The following MGAT1 variants were observed in gnomAD, a reference collection of about 807,000 sequenced individuals.
MGAT1 encodes N-glycosyl-oligosaccharide-glycoprotein N-acetylglucosaminyltransferase I.
In MGAT1, 14 loss-of-function variants were observed where a neutral mutation model predicts 31.7. That is an observed-to-expected ratio of 0.44 (90% confidence interval 0.29 to 0.69). The LOEUF (loss-of-function observed/expected upper bound fraction) is 0.69. Ranked by LOEUF, MGAT1 falls within the 30% of genes least tolerant of loss-of-function variation. The pLI, the probability that MGAT1 is intolerant of heterozygous loss-of-function variation, is 0.12. For synonymous variants in MGAT1, 338 were observed against 276.0 expected (o/e 1.22, Z -2.23); for missense variants, 557 against 626.0 (o/e 0.89, Z 1.18).
chr5:180,798,025 G>A (rs537651649), intron 1 of MGAT1, among the ~76,000 whole-genome samples: 12 of 152,298 alleles, frequency 7.9e-5, no homozygotes, highest in East Asian at 3.9e-4. Context: ...GGCCAGCAGC[G>A]GTGACCTGCT....
At chr5:180,812,079 T>A (rs1308978224) in intron 1 of MGAT1, among the ~76,000 whole-genome samples, 2 of 152,222 alleles carry the variant, frequency 1.3e-5, no homozygotes, top group Non-Finnish European at 2.9e-5. Context: ...CTCGCCGGGT[T>A]TACCATGTAT....
chr5:180,810,377 G>T (rs1772428886), intron 1 of MGAT1: 1 of 152,566 alleles, frequency 6.6e-6, no homozygotes, highest in Non-Finnish European at 1.5e-5. Context: ...TGAAGAACAG[G>T]TGTGGGCAGA....
rs780393812 is a variant in MGAT1, at chr5:180,792,534, C to G, written c.438G>C (p.Glu146Asp). 2.4e-5 allele frequency: 38 copies of G among 1,612,974 alleles called. No homozygotes were observed. The highest frequency in any genetic ancestry group is 3.1e-5 in the Non-Finnish European group (37 of 1,179,870). ...PIIVSQDCGH[E>D]ETAQAIASYG... ...AGGAGGCGATGGCCTGGGCCGTCTC[C>G]TCGTGCCCGCAGTCCTGGCTAACGA... The change falls in exon 2 of 2, where the codon GAG (glutamate) becomes GAC (aspartate). Residue 146 changes from glutamate (E) to aspartate (D), a missense_variant. By Grantham distance (45) the Glu-to-Asp change is conservative. This residue lies in a region of MGAT1 where 245 missense variants were observed against 332.9 expected (regional missense o/e 0.74). Transcript: ENST00000307826.
Position 180,792,133 on chromosome 5 carries a change from T to G in MGAT1, c.839A>C (p.Glu280Ala). The change falls in exon 2 of 2, where the codon GAG becomes GCG. Residue 280 changes from glutamate to alanine, a missense_variant. Glu to Ala is a moderately radical substitution (Grantham distance 107). This residue lies in a region of MGAT1 where 245 missense variants were observed against 332.9 expected (regional missense o/e 0.74). Transcript: ENST00000307826. ...LLLAELWAEL[E>A]PKWPKAFWDD... ...CCAGAAGGCCTTTGGCCACTTGGGC[T>G]CCAGCTCAGCCCAGAGCTCGGCCAA... The G allele has an allele frequency of 6.2e-7, 1 of 1,613,132 alleles. No homozygotes were observed. The highest frequency in any genetic ancestry group is 8.5e-7 in the Non-Finnish European group (1 of 1,179,936).
chr5:180,796,328 G>A (rs903578745), intron 1 of MGAT1, among the ~76,000 whole-genome samples: 2 of 152,080 alleles, frequency 1.3e-5, no homozygotes, highest in Non-Finnish European at 2.9e-5. Flanking sequence ...CCCCCACCAC[G>A]CCAGGACATC....
intron 1 of MGAT1, chr5:180,795,702 C>T (rs765200116): frequency 1.3e-5 from 2 of 152,158 alleles, no homozygotes; most frequent in East Asian, 1.9e-4. Context: ...TATTTCCACA[C>T]GAAGTTTCTT....
intron 1 of MGAT1, among the ~76,000 whole-genome samples, chr5:180,801,902 G>C (rs1277573537): frequency 1.3e-5 from 2 of 152,230 alleles, no homozygotes; most frequent in Non-Finnish European, 2.9e-5. Flanking sequence ...TGAGCTCAAT[G>C]GTCCCCAGAA....
At chr5:180,810,033 T>C (rs1772375174) in intron 1 of MGAT1, 1 of 151,230 alleles carries the variant, frequency 6.6e-6, no homozygotes, top group African/African-American at 2.4e-5. Context: ...CTGCGCCGGG[T>C]CGTTACCTGG....
upstream of MGAT1, among the ~76,000 whole-genome samples, chr5:180,805,733 G>A (rs62407789): frequency 2.6e-5 from 4 of 151,948 alleles, no homozygotes; most frequent in East Asian, 5.8e-4. Context: ...CTGGGTGACA[G>A]AGTGAGATTC....
rs1311387978 is a variant in MGAT1 at position 180,790,001 on chromosome 5, AAC to A, written c.*1631_*1632del. On this transcript the variant is annotated 3_prime_UTR_variant, in exon 2 of 2. Coordinates refer to ENST00000307826, the MANE Select transcript of MGAT1 (RefSeq NM_002406.4). ...AATGTTGCACGTGATATGCAGAGGT[AAC>A]AGTCTGTCTGTGTTCTGGGTATTAG... The A allele has an allele frequency of 6.6e-6, 1 of 152,190 alleles. No homozygotes were observed. The highest frequency in any genetic ancestry group is 1.5e-5 in the Non-Finnish European group (1 of 68,036). The allele number at this position is 152,190 out of a possible 1,614,324, so 9.4% of individuals were successfully genotyped here.
chr5:180,798,803 C>T (rs1770061600), intron 1 of MGAT1, among the ~76,000 whole-genome samples: 1 of 152,208 alleles, frequency 6.6e-6, no homozygotes, highest in Admixed American at 6.5e-5. Flanking sequence ...TGCCATGCTG[C>T]TTCTGATCTT....
chr5:180,791,906 G>C lies in MGAT1; in HGVS notation c.1066C>G (p.Arg356Gly). The C allele has an allele frequency of 6.2e-7, 1 of 1,614,220 alleles. No individual in the cohort carries two copies. Among genetic ancestry groups the C allele is most frequent in the Non-Finnish European group, 8.5e-7 (1 of 1,180,042 alleles). ...LSYLQREAYD[R>G]DFLARVYGAP... is the part of the protein sequence containing the mutation. The stretch of plus-strand genomic sequence containing the variant: ...CCGTAGACGCGGGCGAGGAAATCTC[G>C]GTCATAGGCCTCCCGCTGCAGGTAA... The change falls in exon 2 of 2, where the codon CGA becomes GGA. Residue 356 changes from arginine to glycine, a missense_variant. Arg to Gly is a moderately radical substitution (Grantham distance 125). Around this residue, in one of 3 missense-constraint regions of MGAT1, gnomAD observed 145 missense variants for 143.2 expected, o/e 1.01. Coordinates refer to ENST00000307826, the MANE Select transcript of MGAT1 (RefSeq NM_002406.4).
chr5:180,807,176 G>C (rs1771986198), upstream of MGAT1, among the ~76,000 whole-genome samples: 1 of 152,220 alleles, frequency 6.6e-6, no homozygotes, highest in Admixed American at 6.5e-5. Flanking sequence ...TCAGTTTGCA[G>C]ATGACCTCAC....
intron 1 of MGAT1, among the ~76,000 whole-genome samples, chr5:180,794,108 G>A (rs925109776): frequency 1.3e-5 from 2 of 151,848 alleles, no homozygotes; most frequent in African/African-American, 4.8e-5. Context: ...GCCAGATGCA[G>A]TAGCTCCTAC....
intron 1 of MGAT1, among the ~76,000 whole-genome samples, chr5:180,814,965 A>G (rs1561888618): frequency 6.6e-6 from 1 of 151,994 alleles, no homozygotes; most frequent in Non-Finnish European, 1.5e-5. Flanking sequence ...ATTAAAAATT[A>G]AAAACAAGGA....
At chr5:180,796,842 C>A (rs147479440) in intron 1 of MGAT1, among the ~76,000 whole-genome samples, 1 of 152,048 alleles carries the variant, frequency 6.6e-6, no homozygotes, top group South Asian at 2.1e-4. Flanking sequence ...GAACTCCTGA[C>A]CTCAAGTGAT....
intron 1 of MGAT1, among the ~76,000 whole-genome samples, chr5:180,797,440 GCC>G (rs57989347): frequency 0.017 from 2,043 of 121,630 alleles, 20 homozygotes; most frequent in African/African-American, 0.032. Context: ...GGGGGGGGGG[GCC>G]CAGAGGGATA....
At chr5:180,815,316 GA>G (rs1772808556) in intron 1 of MGAT1, 1 of 152,248 alleles carries the variant, frequency 6.6e-6, no homozygotes, top group Admixed American at 6.5e-5. Context: ...GTTTTGGAGG[GA>G]ACACCCAAAT....
chr5:180,805,527 G>A (rs1251272138), upstream of MGAT1, among the ~76,000 whole-genome samples: 2 of 152,068 alleles, frequency 1.3e-5, no homozygotes, highest in African/African-American at 2.4e-5. Context: ...CAACGCAGGC[G>A]GATCACGAGG....
Sources: gnomAD v4.1 joint callset for allele counts (sites outside exome capture counted in the v4.1 genomes callset) on GRCh38, gnomAD v4.1.1 for gene constraint, gnomAD v4.1.1 regional missense constraint, MANE v1.5 for transcripts, NCBI Gene and HGNC (gene_info 2026-07-23, HGNC 2026-07-21) for gene names.